Variants in SPATA18 observed in about 807,000 individuals in gnomAD.
The protein encoded by SPATA18 is mitochondria-eating protein.
In SPATA18, 54 loss-of-function variants were observed where a neutral mutation model predicts 68.1. That is an observed-to-expected ratio of 0.79 (90% CI 0.64 to 0.99). The LOEUF is 0.99. Ranked by LOEUF, SPATA18 falls within the 50% of genes least tolerant of loss-of-function variation. The pLI, the probability that SPATA18 is intolerant of heterozygous loss-of-function variation, is 0.00. For missense variants in SPATA18, 724 were observed against 681.1 expected (o/e 1.06, Z -0.70); for synonymous variants, 242 against 244.8 (o/e 0.99, Z 0.11).
intron 12 of SPATA18, 138 bp from the exon 13 acceptor site, chr4:52,094,742 T>C (rs3214049): frequency 1.7e-5 from 23 of 1,329,894 alleles, no homozygotes; most frequent in African/African-American, 1.6e-4. Context: ...GCAGGTCCCA[T>C]GGGTCATGTA....
In SPATA18 at chr4:52,079,863, A is replaced by G; in HGVS notation, c.1299A>G (p.Leu433=). ...GCATTGCCTTTGCAATGCAGGCCTT[A>G]GAACCACCCCTAGATATTGCATATG... ...ICCIAFAMQA[L]EPPLDIAYGA... The change falls in exon 9 of 13, where the codon TTA becomes TTG. Residue 433 remains leucine, a synonymous_variant. Transcript: ENST00000295213. 1.2e-6 allele frequency: 2 copies of G among 1,614,118 alleles called. No individual in the cohort carries two copies. Among genetic ancestry groups the G allele is most frequent in the Non-Finnish European group, 1.7e-6 (2 of 1,179,950 alleles).
At position 52,082,420 on chromosome 4, in the gene SPATA18, T is replaced by TC; in HGVS notation, c.1392dup (p.Val466SerfsTer13). The TC allele has an allele frequency of 6.2e-7, 1 of 1,614,088 alleles. No individual in the cohort carries two copies. Among genetic ancestry groups the TC allele is most frequent in the Non-Finnish European group, 8.5e-7 (1 of 1,179,974 alleles). On this transcript the variant is annotated frameshift_variant, in exon 10 of 13. Coordinates refer to ENST00000295213, the MANE Select transcript of SPATA18 (RefSeq NM_145263.4). LOFTEE classifies it high-confidence loss of function. ...GCAGCTACGACTCGGATTTCACTGC[T>TC]CCCTTAGTCCTCTATCACGTGTGGC...
chr4:52,078,995 T>A, intron 8 of SPATA18, 102 bp downstream of exon 8: 1 of 1,220,414 alleles, frequency 8.2e-7, no homozygotes, highest in Non-Finnish European at 1.1e-6. Flanking sequence ...GTATTAATTC[T>A]ATGTAATGAA....
intron 1 of SPATA18, among the ~76,000 whole-genome samples, chr4:52,059,831 A>G (rs1489525143): frequency 6.6e-6 from 1 of 152,272 alleles, no homozygotes; most frequent in Non-Finnish European, 1.5e-5. Context: ...GAATTTATGT[A>G]GAGGACAGGA....
chr4:52,084,896 CT>C lies in SPATA18; in HGVS notation c.1480-17del. On this transcript the variant is annotated intron_variant, in intron 10 of 12. Transcript: ENST00000295213. ...CACAAACTCCTGACTATGTCTCTCT[CT>C]TTCTCTCTCTTTTTTAAGTGGAATT... The C allele has an allele frequency of 6.2e-7, 1 of 1,612,986 alleles. No individual in the cohort carries two copies. Among genetic ancestry groups the C allele is most frequent in the East Asian group, 2.2e-5 (1 of 44,868 alleles).
At chr4:52,083,741 CT>C (rs530695076) in intron 10 of SPATA18, among the ~76,000 whole-genome samples, 53,833 of 121,388 alleles carry the variant, frequency 0.44, 13,188 homozygotes, top group Non-Finnish European at 0.6. Flanking sequence ...AAGATCCTGT[CT>C]TTTTTTTTTT....
intron 4 of SPATA18, among the ~76,000 whole-genome samples, chr4:52,064,416 C>A (rs1739149667): frequency 6.6e-6 from 1 of 152,006 alleles, no homozygotes; most frequent in Non-Finnish European, 1.5e-5. Flanking sequence ...AGTCTTTTAT[C>A]CCTCACCCTC....
chr4:52,055,955 T>C (rs948128407), intron 1 of SPATA18, among the ~76,000 whole-genome samples: 1 of 152,228 alleles, frequency 6.6e-6, no homozygotes, highest in African/African-American at 2.4e-5. Flanking sequence ...CTTGAGAGTA[T>C]AAATGCATGA....
At chr4:52,082,642 G>A (rs773436595) in intron 10 of SPATA18, 132 bp downstream of exon 10, 76 of 1,565,450 alleles carry the variant, frequency 4.9e-5, no homozygotes, top group Middle Eastern at 1.7e-4. Flanking sequence ...AGGAGAGGTC[G>A]GAGATGATCT....
intron 4 of SPATA18, among the ~76,000 whole-genome samples, chr4:52,065,759 T>C (rs1436984581): frequency 1.3e-5 from 2 of 152,216 alleles, no homozygotes; most frequent in African/African-American, 4.8e-5. Context: ...TCTAACCTTG[T>C]AGAGACTGCT....
rs535695923 is a variant in SPATA18, at chr4:52,079,801, T to C, written c.1237T>C (p.Phe413Leu). Residue 413 changes from phenylalanine to leucine, a missense_variant, in exon 9 of 13, where the codon TTT (phenylalanine) becomes CTT (leucine). Physicochemically the swap from Phe to Leu is conservative, Grantham distance 22 (BLOSUM62 0). Transcript: ENST00000295213. The part of the protein sequence containing the change: ...PKISFPPVVD[F>L]CLLSDFIQEI... The stretch of plus-strand genomic sequence containing the variant: ...GATTTCATTCCCTCCTGTCGTTGAC[T>C]TTTGCCTTCTCAGTGACTTCATCCA... 3.6e-4 allele frequency: 580 copies of C among 1,614,088 alleles called. 6 individuals are homozygous for C. In the South Asian group the frequency reaches 6.0e-3, roughly 17 times the overall value.
At position 52,078,876 on chromosome 4, in the gene SPATA18, T is replaced by C; in HGVS notation, c.1162T>C (p.Ser388Pro). The change falls in exon 8 of 13, where the codon TCT becomes CCT. Residue 388 changes from serine to proline, a missense_variant. By Grantham distance (74) the Ser-to-Pro change is moderately conservative (BLOSUM62 -1). Coordinates refer to ENST00000295213, the MANE Select transcript of SPATA18 (RefSeq NM_145263.4). ...YVICHLDLYD[S>P]QSSVNDVIRA... ...CATTTGTCATCTTGATCTATATGAT[T>C]CTCAAAGCAGTGTCAATGTAAGTGT... 6.3e-7 allele frequency: 1 copy of C among 1,586,594 alleles called. No homozygotes were observed. Among genetic ancestry groups the C allele is most frequent in the South Asian group, 1.1e-5 (1 of 88,994 alleles).
rs1372466371 is a variant in SPATA18 at position 52,060,858 on chromosome 4, C to A, written c.270C>A (p.Ser90=). 1 of 1,613,786 alleles carries A rather than the reference C, an allele frequency of 6.2e-7. No homozygotes were observed. The highest frequency in any genetic ancestry group is 1.7e-5 in the Admixed American group (1 of 59,964). The change falls in exon 3 of 13, where the codon TCC becomes TCA. Residue 90 remains serine (S), a synonymous_variant. Coordinates refer to ENST00000295213, the MANE Select transcript of SPATA18 (RefSeq NM_145263.4). Reference sequence around the variant, plus strand: ...TGGAGGCTTCCTTTACTGCTGCTTCCCTGGGAAAATCTGTTGACAGCAAGG... The same window carrying A: ...TGGAGGCTTCCTTTACTGCTGCTTCACTGGGAAAATCTGTTGACAGCAAGG... ...PWLEASFTAA[S]LGKSVDSKVP...
chr4:52,052,922 T>G (rs1325535934), intron 1 of SPATA18, among the ~76,000 whole-genome samples: 1 of 152,214 alleles, frequency 6.6e-6, no homozygotes, highest in Admixed American at 6.5e-5. Context: ...TTCAGTCCTT[T>G]GCTCCCTTTT....
rs1429914734 is a variant in SPATA18, at chr4:52,076,782, C to T, written c.762C>T (p.Ser254=). The T allele has an allele frequency of 1.9e-6, 3 of 1,613,050 alleles. No individual in the cohort carries two copies. The highest frequency in any genetic ancestry group is 1.1e-5 in the South Asian group (1 of 90,972). Reference sequence around the variant, plus strand: ...GCTGATTCTCGCTCACCAACAGGTCCTCCAGGAGCCGGTCTCCCAGCCCTG... The same window carrying T: ...GCTGATTCTCGCTCACCAACAGGTCTTCCAGGAGCCGGTCTCCCAGCCCTG... ...SAEKSALQGR[S]SRSRSPSPAP... The change falls in exon 7 of 13, where the codon TCC becomes TCT. Residue 254 remains serine, a synonymous_variant. Coordinates refer to ENST00000295213, the MANE Select transcript of SPATA18 (RefSeq NM_145263.4).
At chr4:52,066,868 G>A (rs1739363383) in intron 4 of SPATA18, among the ~76,000 whole-genome samples, 1 of 152,180 alleles carries the variant, frequency 6.6e-6, no homozygotes, top group South Asian at 2.1e-4. Context: ...ATTCCATGGT[G>A]CATATGTACC....
chr4:52,074,610 CT>C (rs1287400100), intron 6 of SPATA18, among the ~76,000 whole-genome samples: 2 of 152,120 alleles, frequency 1.3e-5, no homozygotes, highest in African/African-American at 4.8e-5. Context: ...CCTTACTATA[CT>C]GGTTTGTCTG....
At position 52,092,016 on chromosome 4, in the gene SPATA18, G is replaced by A. The variant is rs376681568; in HGVS notation, c.1564-2511G>A. 4.1e-4 allele frequency among the ~76,000 whole-genome samples: 62 copies of A among 152,274 alleles called. No homozygotes were observed. In the South Asian group the frequency reaches 8.3e-3, roughly 20 times the overall value. The stretch of plus-strand genomic sequence containing the variant: ...TTGTTTACACTGTGGCTGTAAAACC[G>A]CCTACTCAAGCCTCAGCAATGGTGG... On this transcript the variant is annotated intron_variant, in intron 11 of 12. Coordinates refer to ENST00000295213, the MANE Select transcript of SPATA18 (RefSeq NM_145263.4).
chr4:52,054,352 C>A (rs1738150405), intron 1 of SPATA18, among the ~76,000 whole-genome samples: 1 of 152,178 alleles, frequency 6.6e-6, no homozygotes, highest in Admixed American at 6.5e-5. Flanking sequence ...TCCTCACTTT[C>A]TTAGGAGAGC....
Sources: allele counts gnomAD v4.1 joint callset (sites outside exome capture counted in the v4.1 genomes callset), GRCh38; gene constraint gnomAD v4.1.1; transcripts MANE v1.5; gene names NCBI Gene and HGNC (gene_info 2026-07-23, HGNC 2026-07-21).